The following FHL5 variants were observed in gnomAD, a reference collection of about 807,000 sequenced individuals.
The protein encoded by FHL5 is four and a half LIM domains 5, also known as four and a half LIM domains protein 5.
Under a neutral mutation model 32.0 loss-of-function variants are expected in FHL5, and 33 were observed. The observed-to-expected ratio is 1.03, with a 90% CI of 0.78 to 1.38. FHL5 has a LOEUF of 1.38. Among genes scored for constraint, FHL5 ranks in the 40% most tolerant of loss-of-function variants. The probability of loss-of-function intolerance (pLI) is 0.00; values close to 1 mark genes in which losing one functional copy is unlikely to be tolerated. For missense variants in FHL5, 336 were observed against 343.9 expected, an observed-to-expected ratio of 0.98 and a Z score of 0.18; for synonymous variants, 114 against 113.6, an observed-to-expected ratio of 1.00 and a Z score of -0.02.
chr6:96,571,313 G>A (rs79021999), intron 1 of FHL5, among the ~76,000 whole-genome samples: 3,789 of 152,260 alleles, frequency 0.025, 55 homozygotes, highest in Non-Finnish European at 0.03. Context: ...TTAGAGGTTT[G>A]TGGCAATGGC....
rs548644783 is a variant in FHL5, at chr6:96,598,526, T to C, written c.-12-5076T>C. 2.0e-5 allele frequency among the ~76,000 whole-genome samples: 3 copies of C among 152,322 alleles called. No individual in the cohort carries two copies. In the South Asian group the frequency reaches 6.2e-4, roughly 32 times the overall value. ...CTGAATTTTTCCTAGCTGAAAGTAA[T>C]TGTCCTTCCTCCTTCTTTAAGGGGG... On this transcript the variant is annotated intron_variant, in intron 1 of 5. Coordinates refer to ENST00000450218, the MANE Select transcript of FHL5 (RefSeq NM_001322466.2).
intron 1 of FHL5, among the ~76,000 whole-genome samples, chr6:96,580,641 CAG>C (rs1770678928): frequency 1.3e-5 from 2 of 152,130 alleles, no homozygotes; most frequent in Admixed American, 1.3e-4. Context: ...CATAAACCAA[CAG>C]AATCTATAAT....
At chr6:96,595,009 AAT>A (rs1262768837) in intron 1 of FHL5, among the ~76,000 whole-genome samples, 1 of 151,892 alleles carries the variant, frequency 6.6e-6, no homozygotes, top group Non-Finnish European at 1.5e-5. Flanking sequence ...TCATACAGTC[AAT>A]GTTTATTTTT....
In FHL5 at chr6:96,605,974, C is replaced by G; in HGVS notation, c.407C>G (p.Pro136Arg). ...TTTGTGTGTGAGAATTGCCGACAAC[C>G]TATAGGGACAAAGCCTTTGATCTCC... ...TCFVCENCRQ[P>R]IGTKPLISKE... The change falls in exon 4 of 6, where the codon CCT becomes CGT. Residue 136 changes from proline (P) to arginine (R), a missense_variant. Pro to Arg is a moderately radical substitution (Grantham distance 103). Transcript: ENST00000450218. 1 of 1,614,048 alleles carries G rather than the reference C, an allele frequency of 6.2e-7. No individual in the cohort carries two copies. The highest frequency in any genetic ancestry group is 8.5e-7 in the Non-Finnish European group (1 of 1,179,964).
At chr6:96,592,332 C>A (rs997990645) in intron 1 of FHL5, among the ~76,000 whole-genome samples, 1 of 152,164 alleles carries the variant, frequency 6.6e-6, no homozygotes, top group Non-Finnish European at 1.5e-5. Context: ...ATACTTCTCC[C>A]ATTTGCTTTT....
At chr6:96,581,678 T>C (rs755333252) in intron 1 of FHL5, among the ~76,000 whole-genome samples, 10 of 152,142 alleles carry the variant, frequency 6.6e-5, no homozygotes, top group Non-Finnish European at 1.0e-4. Flanking sequence ...GTTAAGTAGG[T>C]GAATCAATGA....
chr6:96,564,404 T>C (rs569480593), intron 1 of FHL5, among the ~76,000 whole-genome samples: 1 of 152,326 alleles, frequency 6.6e-6, no homozygotes, highest in East Asian at 1.9e-4. Context: ...CTCTAGTGTC[T>C]GTTTTCTACA....
At chr6:96,578,021 A>G (rs1045691147) in intron 1 of FHL5, among the ~76,000 whole-genome samples, 3 of 152,098 alleles carry the variant, frequency 2.0e-5, no homozygotes, top group African/African-American at 7.2e-5. Flanking sequence ...AAATGAAACT[A>G]GAGAATTTCA....
chr6:96,591,728 G>A (rs1468807148), intron 1 of FHL5, among the ~76,000 whole-genome samples: 1 of 151,872 alleles, frequency 6.6e-6, no homozygotes, highest in Non-Finnish European at 1.5e-5. Context: ...CCAGATATCG[G>A]GGGGAAATTC....
intron 1 of FHL5, among the ~76,000 whole-genome samples, chr6:96,570,447 G>C (rs886557597): frequency 2.0e-5 from 3 of 152,114 alleles, no homozygotes; most frequent in African/African-American, 7.2e-5. Flanking sequence ...GTACCTCTAA[G>C]AGGACCTTTT....
At chr6:96,581,964 C>A (rs1279109353) in intron 1 of FHL5, among the ~76,000 whole-genome samples, 1 of 152,102 alleles carries the variant, frequency 6.6e-6, no homozygotes. Context: ...ACAAGAAACA[C>A]CCTGCCCCAA....
At chr6:96,602,940 G>A (rs1358712580) in intron 1 of FHL5, among the ~76,000 whole-genome samples, 16 of 152,066 alleles carry the variant, frequency 1.1e-4, no homozygotes, top group Admixed American at 1.0e-3. Flanking sequence ...TGGCCAGTTT[G>A]GTAAAGGACA....
rs1225280184 is a variant in FHL5, at chr6:96,586,939, G to C, written c.-12-16663G>C. On this transcript the variant is annotated intron_variant, in intron 1 of 5. Coordinates refer to ENST00000450218, the MANE Select transcript of FHL5 (RefSeq NM_001322466.2). ...GCATTTATTTGAAGAACTGTGATAA[G>C]AGATGAAACACGGCTTTGCCAGTCC... is the stretch of plus-strand genomic sequence containing the variant. Among the ~76,000 whole-genome samples the C allele has an allele frequency of 2.0e-5, 3 of 152,326 alleles. No homozygotes were observed. In the East Asian group the frequency reaches 5.8e-4, roughly 29 times the overall value.
chr6:96,565,093 A>G (rs1013576558), intron 1 of FHL5, among the ~76,000 whole-genome samples: 1 of 150,110 alleles, frequency 6.7e-6, no homozygotes, highest in African/African-American at 2.5e-5. Context: ...TATTTAAAAT[A>G]AAAATAAATA....
At position 96,593,016 on chromosome 6, in the gene FHL5, T is replaced by G. The variant is rs139936070; in HGVS notation, c.-12-10586T>G. Among the ~76,000 whole-genome samples, 248 of 152,226 alleles carry G rather than the reference T, an allele frequency of 1.6e-3. 1 individual carries two copies. Among genetic ancestry groups the G allele is most frequent in the African/African-American group, 5.3e-3 (221 of 41,564 alleles). On this transcript the variant is annotated intron_variant, in intron 1 of 5. Transcript: ENST00000450218. ...CTTTTCTCATTCTCATTCTATCATC[T>G]ATGTTTCTTACTTTCTTAATTGTAC... is the stretch of plus-strand genomic sequence containing the variant.
At chr6:96,591,098 A>C (rs1372443142) in intron 1 of FHL5, among the ~76,000 whole-genome samples, 1 of 152,126 alleles carries the variant, frequency 6.6e-6, no homozygotes, top group African/African-American at 2.4e-5. Context: ...TTCAAAATTT[A>C]CCAGAGCATG....
chr6:96,566,206 G>A (rs1386318314), intron 1 of FHL5, among the ~76,000 whole-genome samples: 4 of 151,818 alleles, frequency 2.6e-5, no homozygotes, highest in African/African-American at 9.7e-5. Flanking sequence ...CTCCTTCTAT[G>A]AGATTGACTT....
intron 4 of FHL5, among the ~76,000 whole-genome samples, chr6:96,606,285 G>T (rs180876504): frequency 4.0e-5 from 6 of 151,554 alleles, no homozygotes; most frequent in Admixed American, 6.6e-5. Flanking sequence ...GCCACAACAA[G>T]AATTTAATAT....
Position 96,615,673 on chromosome 6 carries a change from C to A in FHL5, c.756C>A (p.Cys252Ter), listed in dbSNP as rs201145903. 2.5e-6 allele frequency: 4 copies of A among 1,613,014 alleles called. No homozygotes were observed. The highest frequency in any genetic ancestry group is 3.4e-6 in the Non-Finnish European group (4 of 1,179,506). Residue 252 changes from cysteine (C) to a stop codon, truncating the protein, a stop_gained, in exon 6 of 6, where the codon TGC (cysteine) becomes TGA (stop). Transcript: ENST00000450218. LOFTEE classifies it high-confidence loss of function. ...DSQWHSECFN[C>*]GKCSVSLVGK... ...AGTGGCATAGCGAATGCTTTAACTGCGGGAAATGCTCTGTCTCCTTGGTGG... is the reference window on the plus strand; with the variant it reads ...AGTGGCATAGCGAATGCTTTAACTGAGGGAAATGCTCTGTCTCCTTGGTGG...
Sources: gnomAD v4.1 joint callset for allele counts (sites outside exome capture counted in the v4.1 genomes callset) on GRCh38, gnomAD v4.1.1 for gene constraint, MANE v1.5 for transcripts, NCBI Gene and HGNC (gene_info 2026-07-23, HGNC 2026-07-21) for gene names.